Variants in EVA1C observed in about 807,000 individuals in gnomAD.
EVA1C encodes protein eva-1 homolog C.
A neutral mutation model predicts 45.4 loss-of-function variants in EVA1C; 25 were observed. The ratio of observed to expected loss-of-function variants is 0.55; its 90% CI spans 0.40 to 0.77. The LOEUF (loss-of-function observed/expected upper bound fraction) is 0.77, where lower values mean the gene tolerates loss of function less well. Ranked by LOEUF, EVA1C falls within the 30% of genes least tolerant of loss-of-function variation. The pLI, the probability that EVA1C is intolerant of heterozygous loss-of-function variation, is 0.00. For synonymous variants in EVA1C, 190 were observed against 221.2 expected (o/e 0.86, Z 1.25); for missense variants, 479 against 554.8 (o/e 0.86, Z 1.37).
chr21:32,462,289 GA>G (rs2036027616), intron 3 of EVA1C, among the ~76,000 whole-genome samples: 1 of 151,964 alleles, frequency 6.6e-6, no homozygotes, highest in Admixed American at 6.6e-5. Context: ...AGCCACTTGG[GA>G]GGCTGAAGTG....
At chr21:32,491,442 A>C (rs1467935539) in intron 4 of EVA1C, among the ~76,000 whole-genome samples, 1 of 151,886 alleles carries the variant, frequency 6.6e-6, no homozygotes, top group Admixed American at 6.6e-5. Flanking sequence ...TAATCCCAGC[A>C]CTTTGGGCGG....
At chr21:32,472,715 G>C (rs767448109) in intron 4 of EVA1C, among the ~76,000 whole-genome samples, 2 of 152,180 alleles carry the variant, frequency 1.3e-5, no homozygotes, top group Non-Finnish European at 2.9e-5. Context: ...TTTCCATGGA[G>C]AGTGGAGGAA....
rs745868932 is a variant in EVA1C, at chr21:32,412,917, C to T, written c.64C>T (p.Arg22Cys). 1.1e-4 allele frequency: 168 copies of T among 1,523,818 alleles called. No homozygotes were observed. Among genetic ancestry groups the T allele is most frequent in the African/African-American group, 2.4e-4 (17 of 69,992 alleles). 94.4% of individuals were successfully genotyped at this position (1,523,818 alleles called of 1,614,324 possible). ...CCAGCCCGTGCAGCATCCCGGCCTCCGCCGGCAGGTAGAGCCGCCGGGGCA... is the reference window on the plus strand; with the variant it reads ...CCAGCCCGTGCAGCATCCCGGCCTCTGCCGGCAGGTAGAGCCGCCGGGGCA... ...TPQPVQHPGL[R>C]RQVEPPGQLL... The change falls in exon 1 of 8, where the codon CGC (arginine) becomes TGC (cysteine). Residue 22 changes from arginine to cysteine, a missense_variant. Physicochemically the swap from Arg to Cys is radical, Grantham distance 180. Coordinates refer to ENST00000300255, the MANE Select transcript of EVA1C (RefSeq NM_058187.5).
intron 1 of EVA1C, among the ~76,000 whole-genome samples, chr21:32,442,484 C>T (rs544456622): frequency 6.6e-6 from 1 of 152,190 alleles, no homozygotes; most frequent in South Asian, 2.1e-4. Context: ...GCTCCCCACC[C>T]CCCAACCCCA....
At chr21:32,464,437 C>T (rs921159225) in intron 3 of EVA1C, among the ~76,000 whole-genome samples, 3 of 152,176 alleles carry the variant, frequency 2.0e-5, no homozygotes, top group African/African-American at 7.2e-5. Context: ...TCTTGAGATT[C>T]TGTAGTTTTC....
At chr21:32,413,988 A>G (rs954343475) in intron 1 of EVA1C, among the ~76,000 whole-genome samples, 5 of 152,184 alleles carry the variant, frequency 3.3e-5, no homozygotes, top group Admixed American at 6.5e-5. Context: ...TTGCAACATA[A>G]TGGTGGTAAA....
At chr21:32,468,009 C>CATATGT (rs34740520) in intron 4 of EVA1C, 161 bp downstream of exon 4, 13 of 368,644 alleles carry the variant, frequency 3.5e-5, no homozygotes, top group Non-Finnish European at 4.5e-5. Context: ...AATAAACTCC[C>CATATGT]GTGTGTGTGT....
chr21:32,468,687 G>A (rs1023403071), intron 4 of EVA1C, among the ~76,000 whole-genome samples: 3 of 152,148 alleles, frequency 2.0e-5, no homozygotes, highest in African/African-American at 7.2e-5. Flanking sequence ...GGCTAGGGCA[G>A]TCTCTCCTTT....
rs2035604875 is a variant in EVA1C, at chr21:32,452,177, C to G, written c.161-1135C>G. The G allele has an allele frequency of 6.6e-6, 1 of 152,264 alleles. No individual in the cohort carries two copies. Among genetic ancestry groups the G allele is most frequent in the Non-Finnish European group, 1.5e-5 (1 of 68,072 alleles). The allele number at this position is 152,264 out of a possible 1,614,324, so 9.4% of individuals were successfully genotyped here. On this transcript the variant is annotated intron_variant, in intron 1 of 7. Transcript: ENST00000300255. The surrounding 1 kb of genome is among the most constrained non-coding windows in gnomAD (Gnocchi z 4.0). ...TCCACACATCCAGGGGACACTCACC[C>G]CGATTTTTTTCCTGGTTTATAAAGG... is the stretch of plus-strand genomic sequence containing the variant.
intron 1 of EVA1C, among the ~76,000 whole-genome samples, chr21:32,447,909 TAGTC>T (rs2035423334): frequency 6.6e-6 from 1 of 152,142 alleles, no homozygotes; most frequent in African/African-American, 2.4e-5. Flanking sequence ...TTTTCCATGT[TAGTC>T]AGGCTGGTTT....
chr21:32,419,804 G>A (rs950086231), intron 1 of EVA1C, among the ~76,000 whole-genome samples: 2 of 152,236 alleles, frequency 1.3e-5, no homozygotes, highest in African/African-American at 2.4e-5. Context: ...AGGTGGGAGC[G>A]GGGGTGGGGG....
At position 32,495,050 on chromosome 21, in the gene EVA1C, C is replaced by G. The variant is rs921527710; in HGVS notation, c.658C>G (p.Gln220Glu). ...AGATTGCTTGTCTTACTCAGCTTTG[C>G]AAGTCCTATCCCGAAGGTGCTATGG... ...PFDCLSYSALQVLSRRCYGKQ... is the reference protein window; with the variant it reads ...PFDCLSYSALEVLSRRCYGKQ... The change falls in exon 5 of 8, where the codon CAA (glutamine) becomes GAA (glutamate). Residue 220 changes from glutamine (Q) to glutamate (E), a missense_variant. Gln to Glu is a conservative substitution (Grantham distance 29). Transcript: ENST00000300255. The G allele has an allele frequency of 1.7e-5, 28 of 1,613,984 alleles. No homozygotes were observed. In the African/African-American group the frequency reaches 3.3e-4, roughly 19 times the overall value.
chr21:32,489,731 C>T (rs565893791), intron 4 of EVA1C, among the ~76,000 whole-genome samples: 1 of 152,260 alleles, frequency 6.6e-6, no homozygotes, highest in East Asian at 1.9e-4. Flanking sequence ...AGTCCATAAG[C>T]ATGGGATACC....
intron 7 of EVA1C, among the ~76,000 whole-genome samples, chr21:32,505,207 T>A (rs909847677): frequency 2.0e-5 from 3 of 152,072 alleles, no homozygotes; most frequent in African/African-American, 7.2e-5. Context: ...GATGCAAAGT[T>A]CAGTCTTGGG....
intron 4 of EVA1C, among the ~76,000 whole-genome samples, chr21:32,483,010 C>T (rs961708337): frequency 5.0e-3 from 1 of 202 alleles, no homozygotes; most frequent in South Asian, 0.083. Context: ...CGCACACCAT[C>T]ATGCCCAGCT....
intron 4 of EVA1C, among the ~76,000 whole-genome samples, chr21:32,485,312 C>T (rs922506925): frequency 6.6e-6 from 1 of 152,108 alleles, no homozygotes; most frequent in African/African-American, 2.4e-5. Context: ...GGATTACAGG[C>T]GTGCACCACC....
chr21:32,494,992 G>A, intron 4 of EVA1C, 35 bp from the exon 5 acceptor site: 1 of 1,609,150 alleles, frequency 6.2e-7, no homozygotes, highest in Non-Finnish European at 8.5e-7. Context: ...TGTGTGGGAT[G>A]CAACCTGAAG....
At chr21:32,502,563 G>C (rs2037594697) in intron 6 of EVA1C, among the ~76,000 whole-genome samples, 1 of 152,060 alleles carries the variant, frequency 6.6e-6, no homozygotes, top group Non-Finnish European at 1.5e-5. Flanking sequence ...GTTAGGCTGT[G>C]GTGAGAGTTT....
At chr21:32,499,839 T>C (rs992377927) in intron 5 of EVA1C, among the ~76,000 whole-genome samples, 1 of 152,214 alleles carries the variant, frequency 6.6e-6, no homozygotes, top group Non-Finnish European at 1.5e-5. Flanking sequence ...CTCTGCCCTC[T>C]GTTTCAGCGG....
Sources: gnomAD v4.1 joint callset for allele counts (sites outside exome capture counted in the v4.1 genomes callset) on GRCh38, gnomAD v4.1.1 for gene constraint, Gnocchi (gnomAD v3.1) non-coding constraint, MANE v1.5 for transcripts, NCBI Gene and HGNC (gene_info 2026-07-23, HGNC 2026-07-21) for gene names.